EPSTI1: variants seen among roughly 807,000 people sequenced by gnomAD.
The protein encoded by EPSTI1 is epithelial-stromal interaction protein 1.
EPSTI1 carries 66 observed loss-of-function variants against 49.9 expected under a neutral mutation model. The ratio of observed to expected loss-of-function variants is 1.32; its 90% CI spans 1.08 to 1.62. The LOEUF is 1.62. Among genes scored for constraint, EPSTI1 ranks in the 40% most tolerant of loss-of-function variants. EPSTI1 has a pLI of 0.00. For synonymous variants in EPSTI1, 137 were observed against 130.7 expected, an observed-to-expected ratio of 1.05 and a Z score of -0.33; for missense variants, 394 against 365.5, an observed-to-expected ratio of 1.08 and a Z score of -0.64.
chr13:42,919,347 TAGAAG>T, intron 7 of EPSTI1: 2 of 1,612,206 alleles, frequency 1.2e-6, no homozygotes, highest in Non-Finnish European at 8.5e-7. Flanking sequence ...TCAAAAATAA[TAGAAG>T]GGAATAAATT....
rs1376217851 is a variant in EPSTI1 at position 42,969,127 on chromosome 13, C to CA, written c.297_298insT (p.Ala100CysfsTer2). The CA allele has an allele frequency of 6.2e-7, 1 of 1,614,142 alleles. No homozygotes were observed. The highest frequency in any genetic ancestry group is 1.1e-5 in the South Asian group (1 of 91,074). On this transcript the variant is annotated frameshift_variant, in exon 3 of 11. Transcript: ENST00000313624. LOFTEE classifies it high-confidence loss of function. ...CTGGGCACCAGGTGAACCGGTTTAG[C>CA]TCTGTTCTGCTCCTTCCACTTCTCC...
chr13:42,983,563 C>CAAAAAAAAAAAAAAAAAAAAA (rs56259281), intron 1 of EPSTI1, among the ~76,000 whole-genome samples: 45 of 95,496 alleles, frequency 4.7e-4, no homozygotes, highest in African/African-American at 8.2e-4. Context: ...GACTCCATCT[C>CAAAAAAAAAAAAAAAAAAAAA]AAAAAAAAAA....
intron 6 of EPSTI1, 63 bp from the exon 7 acceptor site, chr13:42,926,492 T>C: frequency 1.1e-6 from 1 of 924,050 alleles, no homozygotes; most frequent in Non-Finnish European, 1.8e-6. Flanking sequence ...TCTTTATTTT[T>C]CCTTTGGATA....
At chr13:42,972,019 T>C (rs1348402812) in intron 1 of EPSTI1, among the ~76,000 whole-genome samples, 1 of 152,238 alleles carries the variant, frequency 6.6e-6, no homozygotes, top group Non-Finnish European at 1.5e-5. Context: ...ACTTCTGAAT[T>C]GCCAGTACTT....
In EPSTI1 at chr13:42,888,475, G is replaced by T; in HGVS notation, c.*19C>A. The T allele has an allele frequency of 6.2e-7, 1 of 1,613,954 alleles. No homozygotes were observed. Among genetic ancestry groups the T allele is most frequent in the Non-Finnish European group, 8.5e-7 (1 of 1,179,904 alleles). Reference sequence around the variant, plus strand: ...TTTCGAGGTCAGTTGATGAAGGCCAGATAGGAGTCAATATTTTCTCATATA... The same window carrying T: ...TTTCGAGGTCAGTTGATGAAGGCCATATAGGAGTCAATATTTTCTCATATA... On this transcript the variant is annotated 3_prime_UTR_variant, in exon 11 of 11. Coordinates refer to ENST00000313624, the MANE Select transcript of EPSTI1 (RefSeq NM_033255.5).
chr13:42,974,336 C>CA lies in EPSTI1; in HGVS notation c.189-3667dup, dbSNP rs1203848701. Reference sequence around the variant, plus strand: ...GGCCGATAACAGTGAAACTCTGTCTCAAAAAAAAAGAAAAAGAAAAAGAAA... The same window carrying CA: ...GGCCGATAACAGTGAAACTCTGTCTCAAAAAAAAAAGAAAAAGAAAAAGAAA... On this transcript the variant is annotated intron_variant, in intron 1 of 10. Transcript: ENST00000313624. Among the ~76,000 whole-genome samples, 158 of 146,966 alleles carry CA rather than the reference C, an allele frequency of 1.1e-3. 3 individuals are homozygous for CA. Among genetic ancestry groups the CA allele is most frequent in the Admixed American group, 2.0e-3 (30 of 14,674 alleles).
chr13:42,987,574 T>G (rs184598841), intron 1 of EPSTI1, among the ~76,000 whole-genome samples: 15 of 136,678 alleles, frequency 1.1e-4, no homozygotes, highest in Admixed American at 6.4e-4. Flanking sequence ...GAGGTTTTTT[T>G]GCGATTTTTT....
chr13:42,921,670 G>A (rs2037999015), intron 7 of EPSTI1, among the ~76,000 whole-genome samples: 1 of 152,106 alleles, frequency 6.6e-6, no homozygotes. Flanking sequence ...CTGAAGCCCA[G>A]GTCACAATAC....
chr13:42,890,296 C>CTT (rs71202241), intron 10 of EPSTI1, among the ~76,000 whole-genome samples: 2,147 of 116,258 alleles, frequency 0.018, 71 homozygotes, highest in East Asian at 0.085. Flanking sequence ...TTTTTCTTTT[C>CTT]TTTTTTTTTT....
chr13:42,958,311 G>C (rs549683313), intron 5 of EPSTI1, among the ~76,000 whole-genome samples: 47 of 152,270 alleles, frequency 3.1e-4, no homozygotes, highest in African/African-American at 1.1e-3. Context: ...AACCAAATAT[G>C]GTAGAGGAGT....
At chr13:42,975,423 T>C (rs906687969) in intron 1 of EPSTI1, among the ~76,000 whole-genome samples, 1 of 152,326 alleles carries the variant, frequency 6.6e-6, no homozygotes, top group East Asian at 1.9e-4. Context: ...AAGAAGCTGA[T>C]GTGTAATTGA....
At chr13:42,986,444 G>A (rs767710791) in intron 1 of EPSTI1, among the ~76,000 whole-genome samples, 11 of 152,050 alleles carry the variant, frequency 7.2e-5, no homozygotes, top group Admixed American at 2.0e-4. Context: ...CGATTGGGGG[G>A]TTAAAACTTT....
chr13:42,930,610 T>C (rs1455502865), intron 6 of EPSTI1, among the ~76,000 whole-genome samples: 7 of 151,634 alleles, frequency 4.6e-5, no homozygotes, highest in Non-Finnish European at 1.0e-4. Context: ...AATCAAACTA[T>C]TGCATACACT....
intron 7 of EPSTI1, among the ~76,000 whole-genome samples, chr13:42,924,492 T>C (rs866675977): frequency 2.0e-5 from 3 of 152,176 alleles, no homozygotes; most frequent in East Asian, 1.9e-4. Context: ...GTGTTCCACA[T>C]TGCAGGATAC....
chr13:42,990,887 A>C (rs1179374081), intron 1 of EPSTI1, among the ~76,000 whole-genome samples: 2 of 152,250 alleles, frequency 1.3e-5, no homozygotes, highest in Non-Finnish European at 2.9e-5. Flanking sequence ...CAGAGGCAGC[A>C]CTTCAAAGGC....
chr13:42,888,220 C>G lies in EPSTI1; in HGVS notation c.*274G>C. The G allele has an allele frequency of 6.2e-7, 1 of 1,609,588 alleles. No individual in the cohort carries two copies. Among genetic ancestry groups the G allele is most frequent in the Non-Finnish European group, 8.5e-7 (1 of 1,177,122 alleles). ...TCAAGTGACTCCCTCTTTTTCTACCCTACCAACATCACTCTAATTATACTT... is the reference window on the plus strand; with the variant it reads ...TCAAGTGACTCCCTCTTTTTCTACCGTACCAACATCACTCTAATTATACTT... On this transcript the variant is annotated 3_prime_UTR_variant, in exon 11 of 11. Transcript: ENST00000313624.
chr13:42,988,074 A>G (rs1011948), intron 1 of EPSTI1, among the ~76,000 whole-genome samples: 8 of 152,218 alleles, frequency 5.3e-5, no homozygotes, highest in Non-Finnish European at 1.5e-5. Flanking sequence ...TTCTTCAAAC[A>G]GCATCAAGCT....
intron 1 of EPSTI1, among the ~76,000 whole-genome samples, chr13:42,978,756 T>A (rs1250088890): frequency 1.3e-5 from 2 of 152,208 alleles, no homozygotes; most frequent in East Asian, 3.8e-4. Context: ...ATCTATTGCA[T>A]TGTATGTAAT....
intron 1 of EPSTI1, among the ~76,000 whole-genome samples, chr13:42,981,125 G>T (rs907301108): frequency 2.6e-5 from 4 of 152,014 alleles, no homozygotes; most frequent in Admixed American, 2.6e-4. Flanking sequence ...GCAGGGGGTG[G>T]GGGACAGGGA....
Sources: allele counts gnomAD v4.1 joint callset (sites outside exome capture counted in the v4.1 genomes callset), GRCh38; gene constraint gnomAD v4.1.1; transcripts MANE v1.5; gene names NCBI Gene and HGNC (gene_info 2026-07-23, HGNC 2026-07-21).